Variants in PSD3 observed in about 807,000 individuals in gnomAD.
The protein encoded by PSD3 is PH and SEC7 domain-containing protein 3.
In PSD3, 49 loss-of-function variants were observed where a neutral mutation model predicts 105.5. The observed-to-expected ratio is 0.46, with a 90% confidence interval of 0.37 to 0.59. PSD3 has a LOEUF of 0.59. Ranked by LOEUF, PSD3 falls within the 20% of genes least tolerant of loss-of-function variation. The pLI is 0.00. For synonymous variants in PSD3, 557 were observed against 457.8 expected, an observed-to-expected ratio of 1.22 and a Z score of -2.77; for missense variants, 1,561 against 1,263.8, an observed-to-expected ratio of 1.24 and a Z score of -3.57.
At chr8:18,887,718 A>G (rs1818530620) in intron 2 of PSD3, among the ~76,000 whole-genome samples, 2 of 152,214 alleles carry the variant, frequency 1.3e-5, no homozygotes, top group Non-Finnish European at 1.5e-5. Flanking sequence ...CTGACAATAC[A>G]AACCACTTCA....
chr8:18,923,397 T>C (rs897566396), intron 2 of PSD3, among the ~76,000 whole-genome samples: 1 of 152,132 alleles, frequency 6.6e-6, no homozygotes, highest in Non-Finnish European at 1.5e-5. Flanking sequence ...CATACCACTT[T>C]GAAAATCCTA....
chr8:19,013,427 C>T (rs1586628243), intron 1 of PSD3, 136 bp downstream of exon 1: 4 of 1,180,864 alleles, frequency 3.4e-6, no homozygotes, highest in East Asian at 2.9e-5. Flanking sequence ...TCGCACCCTG[C>T]ACCTATCCAG....
chr8:18,761,015 C>A (rs1038611767), intron 9 of PSD3, among the ~76,000 whole-genome samples: 1 of 152,160 alleles, frequency 6.6e-6, no homozygotes, highest in Non-Finnish European at 1.5e-5. Flanking sequence ...TAGTTTGCTT[C>A]CTCAAAGGTT....
At chr8:18,613,541 G>GTT (rs34714509) in intron 11 of PSD3, among the ~76,000 whole-genome samples, 1 of 151,754 alleles carries the variant, frequency 6.6e-6, no homozygotes, top group South Asian at 2.1e-4. Flanking sequence ...CAAGAACCCC[G>GTT]TTTTTTTTCC....
chr8:18,609,865 C>T (rs940778034), intron 11 of PSD3, among the ~76,000 whole-genome samples: 2 of 152,214 alleles, frequency 1.3e-5, no homozygotes, highest in Admixed American at 6.5e-5. Context: ...AATAGAGCAG[C>T]TCAGGCACTT....
At chr8:18,776,691 T>C (rs1808126128) in intron 8 of PSD3, among the ~76,000 whole-genome samples, 1 of 152,180 alleles carries the variant, frequency 6.6e-6, no homozygotes, top group Non-Finnish European at 1.5e-5. Context: ...CTTCTTTAAA[T>C]GTCTGACAGA....
At chr8:18,923,542 T>C (rs1294944613) in intron 2 of PSD3, among the ~76,000 whole-genome samples, 2 of 152,232 alleles carry the variant, frequency 1.3e-5, no homozygotes, top group Non-Finnish European at 2.9e-5. Flanking sequence ...GTACCTTTTC[T>C]ATGTTTAGAC....
At chr8:18,941,345 A>G (rs527282706) in intron 1 of PSD3, among the ~76,000 whole-genome samples, 11 of 152,150 alleles carry the variant, frequency 7.2e-5, no homozygotes, top group Non-Finnish European at 1.3e-4. Context: ...GTGTTACTCA[A>G]ATTTATCTCT....
In PSD3 at chr8:18,965,996, G is replaced by C. The variant is rs1024174360; in HGVS notation, c.22-29854C>G. 3.3e-5 allele frequency among the ~76,000 whole-genome samples: 5 copies of C among 152,252 alleles called. No individual in the cohort carries two copies. In the East Asian group the frequency reaches 7.7e-4, roughly 24 times the overall value. On this transcript the variant is annotated intron_variant, in intron 1 of 15. Coordinates refer to ENST00000327040, the MANE Select transcript of PSD3 (RefSeq NM_015310.4). ...CATTAATCCTCACAACACCTGATGA[G>C]GGGAGTAGGCAACAAATATTTTAAT...
chr8:18,651,908 T>A (rs773635728), intron 10 of PSD3, among the ~76,000 whole-genome samples: 1 of 152,108 alleles, frequency 6.6e-6, no homozygotes, highest in South Asian at 2.1e-4. Flanking sequence ...TTACAGCACA[T>A]AGGAACTTCA....
intron 11 of PSD3, among the ~76,000 whole-genome samples, chr8:18,617,415 C>T (rs1194297877): frequency 1.3e-5 from 2 of 151,960 alleles, no homozygotes; most frequent in African/African-American, 2.4e-5. Flanking sequence ...CCTATAATCC[C>T]AGCTACTCGG....
chr8:18,670,889 T>C (rs968794732), intron 9 of PSD3, among the ~76,000 whole-genome samples: 1 of 152,120 alleles, frequency 6.6e-6, no homozygotes, highest in Non-Finnish European at 1.5e-5. Context: ...GGATTTTCAA[T>C]GTATAATCTT....
chr8:18,587,555 T>C (rs186483051), intron 12 of PSD3, among the ~76,000 whole-genome samples: 2 of 152,300 alleles, frequency 1.3e-5, no homozygotes, highest in Admixed American at 1.3e-4. Flanking sequence ...CTTGCTAAAA[T>C]GCTTTTTCTC....
At chr8:18,545,711 G>T (rs1238428697) in intron 15 of PSD3, among the ~76,000 whole-genome samples, 1 of 152,162 alleles carries the variant, frequency 6.6e-6, no homozygotes, top group Non-Finnish European at 1.5e-5. Context: ...TAATCTTTTG[G>T]TTTACACTTT....
At chr8:18,899,568 G>A (rs1310870846) in intron 2 of PSD3, among the ~76,000 whole-genome samples, 1 of 152,030 alleles carries the variant, frequency 6.6e-6, no homozygotes, top group Non-Finnish European at 1.5e-5. Flanking sequence ...CCCTGATGTA[G>A]AAGCTGAATT....
chr8:18,984,192 A>AAATAATAATAATAATAATAAT (rs59486224), intron 1 of PSD3, among the ~76,000 whole-genome samples: 27 of 146,436 alleles, frequency 1.8e-4, no homozygotes, highest in Non-Finnish European at 2.4e-4. Context: ...CCTTCAATTA[A>AAATAATAATAATAATAATAAT]AATAATAATA....
chr8:18,737,867 A>G (rs1804270358), intron 9 of PSD3, among the ~76,000 whole-genome samples: 1 of 152,162 alleles, frequency 6.6e-6, no homozygotes, highest in Non-Finnish European at 1.5e-5. Context: ...CTTGAGCCTG[A>G]TTTCCTATTG....
intron 9 of PSD3, among the ~76,000 whole-genome samples, chr8:18,761,792 C>T (rs1318648329): frequency 6.6e-6 from 1 of 152,180 alleles, no homozygotes; most frequent in Admixed American, 6.5e-5. Flanking sequence ...GAATACAAAC[C>T]ACATCCAACC....
At chr8:18,599,536 T>C (rs1176930159) in intron 12 of PSD3, among the ~76,000 whole-genome samples, 1 of 152,178 alleles carries the variant, frequency 6.6e-6, no homozygotes, top group Admixed American at 6.5e-5. Flanking sequence ...TAGGCTCCCC[T>C]TATCTATCCA....
Sources: gnomAD v4.1 joint callset for allele counts (sites outside exome capture counted in the v4.1 genomes callset) on GRCh38, gnomAD v4.1.1 for gene constraint, MANE v1.5 for transcripts, NCBI Gene and HGNC (gene_info 2026-07-23, HGNC 2026-07-21) for gene names.